Variants in PXDNL observed in about 807,000 individuals in gnomAD.
PXDNL encodes peroxidasin like, also known as probable oxidoreductase PXDNL.
PXDNL carries 145 observed loss-of-function variants against 150.8 expected under a neutral mutation model. That is an observed-to-expected ratio of 0.96 (90% confidence interval 0.84 to 1.10). The LOEUF (loss-of-function observed/expected upper bound fraction) is 1.10, where lower values mean the gene tolerates loss of function less well. PXDNL is among the 50% of genes least tolerant of loss of function. The pLI, the probability that PXDNL is intolerant of heterozygous loss-of-function variation, is 0.00. For missense variants in PXDNL, 2,087 were observed against 1,873.9 expected (o/e 1.11, Z -2.10); for synonymous variants, 757 against 725.7 (o/e 1.04, Z -0.69).
intron 5 of PXDNL, among the ~76,000 whole-genome samples, chr8:51,490,016 CA>C (rs1353284877): frequency 1.3e-5 from 2 of 152,044 alleles, no homozygotes; most frequent in Non-Finnish European, 2.9e-5. Context: ...AATTAGAAGA[CA>C]GGGGTCTCTG....
At chr8:51,499,958 A>C (rs570368647) in intron 4 of PXDNL, among the ~76,000 whole-genome samples, 188 bp from the exon 5 acceptor site, 1 of 152,198 alleles carries the variant, frequency 6.6e-6, no homozygotes, top group African/African-American at 2.4e-5. Flanking sequence ...GGGTCTAAAA[A>C]CCTGATGTTC....
At chr8:51,634,648 T>G (rs1254175612) in intron 2 of PXDNL, among the ~76,000 whole-genome samples, 1 of 152,180 alleles carries the variant, frequency 6.6e-6, no homozygotes, top group Non-Finnish European at 1.5e-5. Context: ...ACATCTATGA[T>G]TTCTTTCAGC....
intron 1 of PXDNL, among the ~76,000 whole-genome samples, chr8:51,765,849 CTTTT>C (rs5891431): frequency 7.0e-6 from 1 of 142,156 alleles, no homozygotes; most frequent in African/African-American, 2.6e-5. Context: ...CCTGTTTATT[CTTTT>C]TTTTTTTTGA....
At chr8:51,683,240 A>G (rs984732896) in intron 1 of PXDNL, among the ~76,000 whole-genome samples, 2 of 128,496 alleles carry the variant, frequency 1.6e-5, no homozygotes, top group African/African-American at 5.7e-5. Context: ...GTGAGGTATC[A>G]CCTCACCCCA....
At chr8:51,337,122 T>C (rs1805851392) in intron 21 of PXDNL, among the ~76,000 whole-genome samples, 1 of 152,054 alleles carries the variant, frequency 6.6e-6, no homozygotes, top group Non-Finnish European at 1.5e-5. Context: ...AATTTAGATA[T>C]AAGTACTAAG....
intron 1 of PXDNL, among the ~76,000 whole-genome samples, chr8:51,737,463 T>TA (rs1817060769): frequency 6.6e-6 from 1 of 152,230 alleles, no homozygotes. Flanking sequence ...CAGCAGGCAT[T>TA]AATGTGCATT....
Position 51,453,690 on chromosome 8 carries a change from G to A in PXDNL, c.1078C>T (p.Leu360Phe), listed in dbSNP as rs756605125. 1.2e-6 allele frequency: 2 copies of A among 1,614,082 alleles called. No homozygotes were observed. The highest frequency in any genetic ancestry group is 1.1e-5 in the South Asian group (1 of 91,090). ...CCATTGTCCCTGGTCCAAGTGATAA[G>A]AGGGTGTGGGTGGCCTGTGGCCATA... ...ECMATGHPHP[L>F]ITWTRDNGLE... The change falls in exon 10 of 23, where the codon CTT becomes TTT. Residue 360 changes from leucine (L) to phenylalanine (F), a missense_variant. By Grantham distance (22) the Leu-to-Phe change is conservative. Transcript: ENST00000356297.
At chr8:51,541,843 G>C (rs556832689) in intron 4 of PXDNL, among the ~76,000 whole-genome samples, 2,663 of 152,212 alleles carry the variant, frequency 0.017, 78 homozygotes, top group African/African-American at 0.06. Flanking sequence ...GCCCCTTGCA[G>C]CCTGCTCTCC....
chr8:51,561,643 A>AT, intron 3 of PXDNL, among the ~76,000 whole-genome samples: 1 of 152,086 alleles, frequency 6.6e-6, no homozygotes, highest in South Asian at 2.1e-4. Context: ...ATACTATGTG[A>AT]TTCCTCTTGT....
chr8:51,358,768 A>G (rs1255679781), intron 19 of PXDNL, among the ~76,000 whole-genome samples: 2 of 152,090 alleles, frequency 1.3e-5, no homozygotes, highest in African/African-American at 4.8e-5. Context: ...CCACAACCCC[A>G]GGGGACAGGC....
At chr8:51,322,405 C>T (rs1409116387) in intron 21 of PXDNL, among the ~76,000 whole-genome samples, 1 of 151,888 alleles carries the variant, frequency 6.6e-6, no homozygotes, top group Non-Finnish European at 1.5e-5. Flanking sequence ...CTCTCCCCTC[C>T]TTTGTTGGGG....
At chr8:51,678,497 G>A (rs1046383978) in intron 1 of PXDNL, among the ~76,000 whole-genome samples, 17 of 151,950 alleles carry the variant, frequency 1.1e-4, no homozygotes, top group South Asian at 4.2e-4. Context: ...ACTGGATTAA[G>A]AAAATGTGGC....
intron 14 of PXDNL, among the ~76,000 whole-genome samples, chr8:51,414,670 G>T (rs1808746716): frequency 6.6e-6 from 1 of 152,036 alleles, no homozygotes; most frequent in Admixed American, 6.6e-5. Flanking sequence ...TCAATTGGAT[G>T]AAATTAACAA....
At chr8:51,489,014 T>G (rs1191196143) in intron 5 of PXDNL, among the ~76,000 whole-genome samples, 1 of 152,216 alleles carries the variant, frequency 6.6e-6, no homozygotes, top group Non-Finnish European at 1.5e-5. Flanking sequence ...TAAACTCTGA[T>G]TAAAAAATGT....
At chr8:51,675,165 C>T (rs1294254915) in intron 1 of PXDNL, among the ~76,000 whole-genome samples, 1 of 152,182 alleles carries the variant, frequency 6.6e-6, no homozygotes, top group African/African-American at 2.4e-5. Flanking sequence ...CACTGTTGCT[C>T]CCCTTTTCGA....
chr8:51,551,553 G>C (rs984155430), intron 4 of PXDNL, among the ~76,000 whole-genome samples: 4 of 152,032 alleles, frequency 2.6e-5, no homozygotes, highest in African/African-American at 9.7e-5. Context: ...CTTTGGCAAA[G>C]CAAATAAAAA....
chr8:51,486,775 TATATATATATATATATA>T (rs1810755980), intron 5 of PXDNL, among the ~76,000 whole-genome samples: 2 of 10,028 alleles, frequency 2.0e-4, no homozygotes, highest in East Asian at 2.8e-3. Flanking sequence ...TATATATATA[TATATATATATATATATA>T]TATTTTTTTT....
At chr8:51,476,022 A>G (rs1191595932) in intron 6 of PXDNL, among the ~76,000 whole-genome samples, 1 of 152,176 alleles carries the variant, frequency 6.6e-6, no homozygotes, top group Non-Finnish European at 1.5e-5. Flanking sequence ...ACTTGAGCCC[A>G]GGAGTTGGAG....
At chr8:51,445,742 T>A (rs1009776762) in intron 12 of PXDNL, among the ~76,000 whole-genome samples, 29 of 152,348 alleles carry the variant, frequency 1.9e-4, no homozygotes, top group African/African-American at 6.5e-4. Flanking sequence ...GGTCCCATTT[T>A]AAAAGATATA....
Sources: allele counts gnomAD v4.1 joint callset (sites outside exome capture counted in the v4.1 genomes callset), GRCh38; gene constraint gnomAD v4.1.1; transcripts MANE v1.5; gene names NCBI Gene and HGNC (gene_info 2026-07-23, HGNC 2026-07-21).